Variants in FGD3 observed in about 807,000 individuals in gnomAD.
The protein encoded by FGD3 is FYVE, RhoGEF and PH domain containing 3, also known as FYVE, RhoGEF and PH domain-containing protein 3.
A neutral mutation model predicts 71.8 loss-of-function variants in FGD3; 45 were observed. The observed-to-expected ratio is 0.63, with a 90% CI of 0.49 to 0.80. The LOEUF (loss-of-function observed/expected upper bound fraction) is 0.80. Ranked by LOEUF, FGD3 falls within the 30% of genes least tolerant of loss-of-function variation. FGD3 has a pLI of 0.00. For synonymous variants in FGD3, 378 were observed against 392.8 expected (o/e 0.96, Z 0.44); for missense variants, 844 against 951.5 (o/e 0.89, Z 1.49).
intron 3 of FGD3, among the ~76,000 whole-genome samples, chr9:92,988,992 G>A (rs1032481494): frequency 3.9e-5 from 6 of 152,152 alleles, no homozygotes; most frequent in African/African-American, 1.2e-4. Flanking sequence ...GTCTCTGCAA[G>A]CACAGCCCTT....
intron 3 of FGD3, among the ~76,000 whole-genome samples, chr9:93,001,116 A>C (rs1860841506): frequency 6.6e-6 from 1 of 152,096 alleles, no homozygotes. Flanking sequence ...TTTCAGCTCC[A>C]GAATGTCTGG....
In FGD3 at chr9:92,999,589, C is replaced by CTTTT. The variant is rs886295047; in HGVS notation, c.454-3318_454-3315dup. Among the ~76,000 whole-genome samples the CTTTT allele has an allele frequency of 2.2e-4, 29 of 131,170 alleles. 1 individual carries two copies. Among genetic ancestry groups the CTTTT allele is most frequent in the Admixed American group, 2.0e-3 (26 of 12,882 alleles). 86.1% of individuals were successfully genotyped at this position (131,170 alleles called of 152,430 possible). A position where few individuals can be genotyped will look rare whatever the true frequency, so the allele number is the denominator to read the frequency against. On this transcript the variant is annotated intron_variant, in intron 3 of 17. Coordinates refer to ENST00000375482, the MANE Select transcript of FGD3 (RefSeq NM_001083536.2). ...TTTTCCTATTCAGCCATCTTGGAACCTTTTTTTTTTTTTTTTTTTTTAAAG... is the reference window on the plus strand; with the variant it reads ...TTTTCCTATTCAGCCATCTTGGAACCTTTTTTTTTTTTTTTTTTTTTTTTTAAAG...
At chr9:92,978,100 C>T (rs1427159450) in intron 3 of FGD3, among the ~76,000 whole-genome samples, 16 of 151,944 alleles carry the variant, frequency 1.1e-4, no homozygotes, top group Admixed American at 7.9e-4. Context: ...CTGACCAACA[C>T]GGAGAAAACC....
intron 6 of FGD3, among the ~76,000 whole-genome samples, chr9:93,007,826 C>T (rs187308548): frequency 5.7e-4 from 87 of 152,318 alleles, no homozygotes; most frequent in Non-Finnish European, 9.3e-4. Flanking sequence ...TATCTTCACA[C>T]ATTGGGTGCA....
intron 1 of FGD3, among the ~76,000 whole-genome samples, chr9:92,972,437 A>T (rs1380392029): frequency 6.8e-6 from 1 of 146,128 alleles, no homozygotes; most frequent in Non-Finnish European, 1.5e-5. Context: ...TGTGTGACAG[A>T]GCGAGACTCC....
chr9:92,960,148 A>G (rs1251917487), intron 1 of FGD3, among the ~76,000 whole-genome samples: 1 of 151,050 alleles, frequency 6.6e-6, no homozygotes, highest in African/African-American at 2.4e-5. Flanking sequence ...TCATGTCTTC[A>G]TGTCCCTATG....
chr9:92,978,393 G>A (rs1202189454), intron 3 of FGD3, among the ~76,000 whole-genome samples: 20 of 150,728 alleles, frequency 1.3e-4, no homozygotes, highest in African/African-American at 4.6e-4. Context: ...ACCAGATGCT[G>A]ACTGACACTC....
rs983028311 is a variant in FGD3 at position 93,011,189 on chromosome 9, G to A, written c.977-25G>A. 2.5e-6 allele frequency: 4 copies of A among 1,613,992 alleles called. No individual in the cohort carries two copies. In the African/African-American group the frequency reaches 4.0e-5, roughly 16 times the overall value. On this transcript the variant is annotated intron_variant, in intron 7 of 17. Transcript: ENST00000375482. ...AAAAACGGAGCCACCGTGGCCCCAG[G>A]CTGAACACAGTCTTCTTCCTGCAGG...
intron 15 of FGD3, 48 bp from the exon 16 acceptor site, chr9:93,032,698 CTCCTCTGGCATCTTCCTGGATAA>C: frequency 6.9e-7 from 1 of 1,449,194 alleles, no homozygotes; most frequent in Non-Finnish European, 9.7e-7. Context: ...CCCACTCTAC[CTCCTCTGGCATCTTCCTGGATAA>C]TCCTCTGTCC....
At position 93,004,096 on chromosome 9, in the gene FGD3, G is replaced by T; in HGVS notation, c.639G>T (p.Gln213His). 6.2e-7 allele frequency: 1 copy of T among 1,614,176 alleles called. No individual in the cohort carries two copies. Among genetic ancestry groups the T allele is most frequent in the Non-Finnish European group, 8.5e-7 (1 of 1,180,048 alleles). The change falls in exon 5 of 18, where the codon CAG (glutamine) becomes CAT (histidine). Residue 213 changes from glutamine to histidine, a missense_variant. Gln to His is a conservative substitution (Grantham distance 24, BLOSUM62 0). Coordinates refer to ENST00000375482, the MANE Select transcript of FGD3 (RefSeq NM_001083536.2). ...NISSIHRFHG[Q>H]FLLPELKTRI... ...CCTCCATCCACCGCTTCCACGGGCAGTTCCTGCTGCCGGAGCTGAAGACGC... is the reference window on the plus strand; with the variant it reads ...CCTCCATCCACCGCTTCCACGGGCATTTCCTGCTGCCGGAGCTGAAGACGC...
intron 14 of FGD3, among the ~76,000 whole-genome samples, chr9:93,024,425 C>T (rs762722463): frequency 2.9e-4 from 44 of 152,368 alleles, no homozygotes; most frequent in Admixed American, 6.5e-4. Flanking sequence ...CTGCCTCCCA[C>T]ACACACAGCT....
At chr9:92,984,807 T>C (rs1222136621) in intron 3 of FGD3, among the ~76,000 whole-genome samples, 1 of 151,042 alleles carries the variant, frequency 6.6e-6, no homozygotes, top group South Asian at 2.1e-4. Context: ...TGAATCTTTT[T>C]TTTCTTTTTT....
chr9:92,995,626 C>G (rs1445731206), intron 3 of FGD3, among the ~76,000 whole-genome samples: 3 of 152,024 alleles, frequency 2.0e-5, no homozygotes, highest in African/African-American at 2.4e-5. Context: ...ATAAATAGCT[C>G]TTATTATTTT....
chr9:93,035,023 G>C (rs2118852919), intron 17 of FGD3, among the ~76,000 whole-genome samples: 1 of 152,316 alleles, frequency 6.6e-6, no homozygotes, highest in African/African-American at 2.4e-5. Context: ...CTCTGTCACA[G>C]GGGCTGGCCT....
chr9:93,024,282 A>C (rs1862040083), intron 14 of FGD3, among the ~76,000 whole-genome samples: 1 of 152,244 alleles, frequency 6.6e-6, no homozygotes, highest in Admixed American at 6.5e-5. Flanking sequence ...ACACAATCGC[A>C]GGGTCACAGT....
At chr9:93,016,151 T>C (rs549494152) in intron 10 of FGD3, among the ~76,000 whole-genome samples, 4 of 152,158 alleles carry the variant, frequency 2.6e-5, no homozygotes, top group South Asian at 4.2e-4. Context: ...CCTGTGAGAC[T>C]GGGACTCGGG....
At chr9:92,990,185 C>T (rs1442055963) in intron 3 of FGD3, among the ~76,000 whole-genome samples, 2 of 151,910 alleles carry the variant, frequency 1.3e-5, no homozygotes, top group Non-Finnish European at 2.9e-5. Context: ...CACCTGTAAT[C>T]CCAGAACTTT....
intron 3 of FGD3, among the ~76,000 whole-genome samples, chr9:92,987,823 C>T (rs995878978): frequency 1.5e-4 from 23 of 152,206 alleles, no homozygotes; most frequent in African/African-American, 5.3e-4. Flanking sequence ...TGTTCCTAGA[C>T]GGTCATATAC....
At position 93,004,029 on chromosome 9, in the gene FGD3, G is replaced by T. The variant is rs773396820; in HGVS notation, c.572G>T (p.Gly191Val). 4 of 1,614,016 alleles carry T rather than the reference G, an allele frequency of 2.5e-6. No individual in the cohort carries two copies. In the East Asian group the frequency reaches 8.9e-5, roughly 36 times the overall value. ...TTCTGCACCAGGCTGACGGATGCGGGGATCCCTCCAGAAGTCATCATGGGC... is the reference window on the plus strand; with the variant it reads ...TTCTGCACCAGGCTGACGGATGCGGTGATCCCTCCAGAAGTCATCATGGGC... ...QVFCTRLTDA[G>V]IPPEVIMGIF... The change falls in exon 5 of 18, where the codon GGG (glycine) becomes GTG (valine). Residue 191 changes from glycine (G) to valine (V), a missense_variant. Coordinates refer to ENST00000375482, the MANE Select transcript of FGD3 (RefSeq NM_001083536.2).
Sources: gnomAD v4.1 joint callset for allele counts (sites outside exome capture counted in the v4.1 genomes callset) on GRCh38, gnomAD v4.1.1 for gene constraint, MANE v1.5 for transcripts, NCBI Gene and HGNC (gene_info 2026-07-23, HGNC 2026-07-21) for gene names.